SHISA9: variants seen among roughly 807,000 people sequenced by gnomAD.
The protein encoded by SHISA9 is protein shisa-9.
In SHISA9, 13 loss-of-function variants were observed where a neutral mutation model predicts 38.0. The ratio of observed to expected loss-of-function variants is 0.34; its 90% CI spans 0.22 to 0.54. The LOEUF (loss-of-function observed/expected upper bound fraction) is 0.54, where lower values mean the gene tolerates loss of function less well. Ranked by LOEUF, SHISA9 falls within the 20% of genes least tolerant of loss-of-function variation. The pLI is 0.91. For synonymous variants in SHISA9, 275 were observed against 242.0 expected (o/e 1.14, Z -1.27); for missense variants, 538 against 575.8 (o/e 0.93, Z 0.67).
At chr16:13,510,075 G>A in the SHISA9 span, among the ~76,000 whole-genome samples, 1 of 152,146 alleles carries the variant, frequency 6.6e-6, no homozygotes, top group South Asian at 2.1e-4. Context: ...GGAGGCCGAG[G>A]TGGGCAGATT....
chr16:13,305,474 G>A, the SHISA9 span, among the ~76,000 whole-genome samples: 1 of 152,106 alleles, frequency 6.6e-6, no homozygotes, highest in Non-Finnish European at 1.5e-5. Context: ...CATGAGAATG[G>A]GCTACAAGGA....
intron 1 of SHISA9, chr16:12,908,486 G>C (rs1230713105): frequency 1.3e-6 from 2 of 1,552,120 alleles, no homozygotes; most frequent in Non-Finnish European, 1.7e-6. Context: ...TAGGCTCTAT[G>C]ACAATCTGCT....
the SHISA9 span, among the ~76,000 whole-genome samples, chr16:13,278,672 A>T: frequency 8.5e-5 from 13 of 152,062 alleles, no homozygotes; most frequent in African/African-American, 3.1e-4. Context: ...GAATTTATCC[A>T]TCTCTTCTAG....
At chr16:13,487,793 GA>G in the SHISA9 span, among the ~76,000 whole-genome samples, 1 of 151,944 alleles carries the variant, frequency 6.6e-6, no homozygotes, top group Non-Finnish European at 1.5e-5. Flanking sequence ...GTTTTTTCCG[GA>G]TATTTGCTAC....
the SHISA9 span, among the ~76,000 whole-genome samples, chr16:13,316,684 C>T: frequency 2.6e-5 from 4 of 152,218 alleles, no homozygotes; most frequent in Non-Finnish European, 5.9e-5. Context: ...TTGTAAGTCA[C>T]ATTCCAATTC....
At chr16:13,277,979 T>C in the SHISA9 span, among the ~76,000 whole-genome samples, 1,446 of 152,154 alleles carry the variant, frequency 9.5e-3, 28 homozygotes, top group African/African-American at 0.033. Flanking sequence ...AGAGTGGGCC[T>C]CCTTGTCTTG....
At chr16:13,473,028 A>T in the SHISA9 span, among the ~76,000 whole-genome samples, 1 of 152,068 alleles carries the variant, frequency 6.6e-6, no homozygotes, top group Non-Finnish European at 1.5e-5. Context: ...GCTTCTTTAT[A>T]TGCCTGTTAA....
At chr16:13,551,313 AC>A in the SHISA9 span, among the ~76,000 whole-genome samples, 1 of 152,228 alleles carries the variant, frequency 6.6e-6, no homozygotes, top group East Asian at 1.9e-4. Context: ...TATATTCACA[AC>A]CTTCAGCACA....
chr16:13,358,692 T>C, the SHISA9 span, among the ~76,000 whole-genome samples: 203 of 152,294 alleles, frequency 1.3e-3, no homozygotes, highest in Middle Eastern at 3.4e-3. Flanking sequence ...GGCCTCCAGA[T>C]AGAGAAAGAT....
intron 2 of SHISA9, among the ~76,000 whole-genome samples, chr16:12,996,742 C>A (rs1408257547): frequency 1.3e-5 from 2 of 151,980 alleles, no homozygotes; most frequent in Non-Finnish European, 2.9e-5. Context: ...CTCCAAGGGG[C>A]CTTTAATTTC....
At chr16:13,400,450 C>T in the SHISA9 span, among the ~76,000 whole-genome samples, 1 of 152,206 alleles carries the variant, frequency 6.6e-6, no homozygotes, top group South Asian at 2.1e-4. Flanking sequence ...GGTCTGCTTC[C>T]CAAAGGTTTC....
At chr16:13,145,735 C>A (rs1156368933) in intron 2 of SHISA9, among the ~76,000 whole-genome samples, 2 of 152,198 alleles carry the variant, frequency 1.3e-5, no homozygotes, top group East Asian at 3.9e-4. Flanking sequence ...AGATTAATTG[C>A]AATCTGCCAG....
chr16:13,270,869 G>A, the SHISA9 span, among the ~76,000 whole-genome samples: 13 of 152,282 alleles, frequency 8.5e-5, no homozygotes, highest in South Asian at 2.1e-3. Context: ...AAGTATAGTG[G>A]TTAGCATCTG....
chr16:13,202,006 C>A lies in SHISA9; in HGVS notation c.692-1388C>A, dbSNP rs192307750. Reference sequence around the variant, plus strand: ...TTCATGAAGCCAGAGGGAACCCATACTTTCCACCTCAAAGTGAGCCATCAT... The same window carrying A: ...TTCATGAAGCCAGAGGGAACCCATAATTTCCACCTCAAAGTGAGCCATCAT... On this transcript the variant is annotated intron_variant, in intron 2 of 4. Coordinates refer to ENST00000558583, the MANE Select transcript of SHISA9 (RefSeq NM_001145204.3). Among the ~76,000 whole-genome samples, 74 of 112,962 alleles carry A rather than the reference C, an allele frequency of 6.6e-4. 6 individuals carry two copies. In the East Asian group the frequency reaches 6.7e-3, roughly 10 times the overall value. 74.1% of individuals were successfully genotyped at this position (112,962 alleles called of 152,430 possible). A position where few individuals can be genotyped will look rare whatever the true frequency, so the allele number is the denominator to read the frequency against.
At chr16:13,035,837 A>G (rs910041265) in intron 2 of SHISA9, among the ~76,000 whole-genome samples, 2 of 152,190 alleles carry the variant, frequency 1.3e-5, no homozygotes, top group South Asian at 2.1e-4. Flanking sequence ...TCAGATTTAA[A>G]TGGGCAAAGA....
At chr16:13,124,656 C>T (rs1425353557) in intron 2 of SHISA9, among the ~76,000 whole-genome samples, 1 of 152,054 alleles carries the variant, frequency 6.6e-6, no homozygotes, top group African/African-American at 2.4e-5. Flanking sequence ...CCCAGAATAG[C>T]CAAAGCTATC....
chr16:13,060,500 G>T (rs926910815), intron 2 of SHISA9, among the ~76,000 whole-genome samples: 1 of 152,010 alleles, frequency 6.6e-6, no homozygotes, highest in Non-Finnish European at 1.5e-5. Context: ...CTAGCACGGT[G>T]CTTGGGTACA....
At chr16:13,446,238 C>G in the SHISA9 span, among the ~76,000 whole-genome samples, 5 of 152,126 alleles carry the variant, frequency 3.3e-5, no homozygotes, top group African/African-American at 1.2e-4. Context: ...AGCCACCGTG[C>G]CTGGCCGTGC....
At chr16:12,915,460 G>A (rs922650173) in intron 1 of SHISA9, among the ~76,000 whole-genome samples, 2 of 152,156 alleles carry the variant, frequency 1.3e-5, no homozygotes, top group East Asian at 3.8e-4. Context: ...AGAAAAAGAT[G>A]TTTATTGCAG....
Sources: allele counts gnomAD v4.1 joint callset (sites outside exome capture counted in the v4.1 genomes callset), GRCh38; gene constraint gnomAD v4.1.1; transcripts MANE v1.5; gene names NCBI Gene and HGNC (gene_info 2026-07-23, HGNC 2026-07-21).